The following EEPD1 variants were observed in gnomAD, a reference collection of about 807,000 sequenced individuals.
The protein encoded by EEPD1 is endonuclease/exonuclease/phosphatase family domain-containing protein 1.
A neutral mutation model predicts 46.3 loss-of-function variants in EEPD1; 17 were observed. The ratio of observed to expected loss-of-function variants is 0.37; its 90% CI spans 0.25 to 0.55. The LOEUF (loss-of-function observed/expected upper bound fraction) is 0.55. Ranked by LOEUF, EEPD1 falls within the 20% of genes least tolerant of loss-of-function variation. EEPD1 has a pLI of 0.83. For synonymous variants in EEPD1, 313 were observed against 315.6 expected (o/e 0.99, Z 0.09); for missense variants, 673 against 745.6 (o/e 0.90, Z 1.13).
intron 2 of EEPD1, among the ~76,000 whole-genome samples, chr7:36,223,226 A>C (rs1786178253): frequency 1.3e-5 from 2 of 152,156 alleles, no homozygotes; most frequent in African/African-American, 4.8e-5. Context: ...ATAAGAAATA[A>C]ATTTTAACAC....
intron 2 of EEPD1, chr7:36,228,838 A>G (rs1251650183): frequency 6.6e-6 from 1 of 152,242 alleles, no homozygotes; most frequent in African/African-American, 2.4e-5. Flanking sequence ...AAAGGGGACT[A>G]TTCCTAGTTT....
intron 3 of EEPD1, among the ~76,000 whole-genome samples, chr7:36,254,530 A>T (rs1255184285): frequency 1.3e-5 from 2 of 151,888 alleles, no homozygotes; most frequent in South Asian, 2.1e-4. Flanking sequence ...TCTATCATTG[A>T]TGGGCATTTG....
chr7:36,219,800 A>AGTGTGTGTGTGTGTGT (rs1476592033), intron 2 of EEPD1, among the ~76,000 whole-genome samples: 2 of 66,528 alleles, frequency 3.0e-5, no homozygotes, highest in African/African-American at 8.5e-5. Flanking sequence ...AGAGAGAGAG[A>AGTGTGTGTGTGTGTGT]GAGAGAGTGT....
intron 4 of EEPD1, among the ~76,000 whole-genome samples, chr7:36,283,128 A>T (rs1381378891): frequency 2.0e-5 from 3 of 152,178 alleles, no homozygotes; most frequent in Admixed American, 6.5e-5. Context: ...TTTGCCCACA[A>T]GCCACCCTTT....
At chr7:36,287,236 CAAAAAAAAAAAAAA>C (rs377318198) in intron 5 of EEPD1, among the ~76,000 whole-genome samples, 10 of 42,204 alleles carry the variant, frequency 2.4e-4, no homozygotes, top group African/African-American at 1.0e-3. Context: ...GACTCCTTCT[CAAAAAAAAAAAAAA>C]AAAAAAAAAA....
rs141352424 is a variant in EEPD1, at chr7:36,217,246, A to G, written c.879-21739A>G. 3.6e-3 allele frequency among the ~76,000 whole-genome samples: 542 copies of G among 152,376 alleles called. 4 individuals carry two copies. Among genetic ancestry groups the G allele is most frequent in the African/African-American group, 0.012 (509 of 41,594 alleles). ...AGGGGAGGATTTTTCATGAGTTTTC[A>G]GGGAAAGAGGTGGGCAATTCCTGGA... On this transcript the variant is annotated intron_variant, in intron 2 of 7. Coordinates refer to ENST00000242108, the MANE Select transcript of EEPD1 (RefSeq NM_030636.3).
chr7:36,278,101 A>G (rs1787208583), intron 3 of EEPD1, among the ~76,000 whole-genome samples: 1 of 152,204 alleles, frequency 6.6e-6, no homozygotes, highest in Non-Finnish European at 1.5e-5. Context: ...TTAGTTAAGT[A>G]GGTCAGGGGT....
intron 3 of EEPD1, among the ~76,000 whole-genome samples, chr7:36,248,527 T>C (rs893469047): frequency 5.4e-4 from 81 of 151,386 alleles, no homozygotes; most frequent in Admixed American, 2.7e-3. Flanking sequence ...TTTTTTTTTT[T>C]TTTTTTCCAA....
intron 4 of EEPD1, among the ~76,000 whole-genome samples, chr7:36,282,689 A>G (rs774305119): frequency 1.3e-5 from 2 of 152,240 alleles, no homozygotes; most frequent in African/African-American, 2.4e-5. Flanking sequence ...GGAATGCATC[A>G]TGAACGTAGC....
intron 2 of EEPD1, among the ~76,000 whole-genome samples, chr7:36,194,622 C>T (rs1562681480): frequency 6.6e-6 from 1 of 152,150 alleles, no homozygotes; most frequent in South Asian, 2.1e-4. Flanking sequence ...GGAAAAAGCC[C>T]CCCATATGGC....
At chr7:36,175,116 T>C (rs1169925516) in intron 2 of EEPD1, among the ~76,000 whole-genome samples, 10 of 152,362 alleles carry the variant, frequency 6.6e-5, no homozygotes, top group African/African-American at 2.4e-4. Context: ...AACTCAGTGA[T>C]TGGCACAAGA....
intron 2 of EEPD1, among the ~76,000 whole-genome samples, chr7:36,216,344 A>G (rs768275480): frequency 1.3e-5 from 2 of 152,006 alleles, no homozygotes; most frequent in Non-Finnish European, 2.9e-5. Flanking sequence ...TGAGGAAACA[A>G]TTGGCAATCG....
At chr7:36,235,927 CT>C (rs35122231) in intron 2 of EEPD1, among the ~76,000 whole-genome samples, 442 of 138,510 alleles carry the variant, frequency 3.2e-3, no homozygotes, top group African/African-American at 6.8e-3. Flanking sequence ...GAACTTTTTC[CT>C]TTTTTTTTTT....
At chr7:36,227,648 GTGGCTCACACC>G (rs1322743377) in intron 2 of EEPD1, among the ~76,000 whole-genome samples, 11 of 152,140 alleles carry the variant, frequency 7.2e-5, no homozygotes, top group African/African-American at 2.7e-4. Context: ...GCCAGGCGCA[GTGGCTCACACC>G]TGTAATCCCA....
intron 3 of EEPD1, among the ~76,000 whole-genome samples, chr7:36,259,460 TATACA>T (rs1223112682): frequency 6.6e-6 from 1 of 152,226 alleles, no homozygotes; most frequent in East Asian, 1.9e-4. Context: ...TCTATGCATC[TATACA>T]TGTTACACCT....
intron 2 of EEPD1, among the ~76,000 whole-genome samples, chr7:36,199,593 G>A (rs1412502083): frequency 6.6e-6 from 1 of 152,188 alleles, no homozygotes; most frequent in East Asian, 1.9e-4. Flanking sequence ...TCAACAGTGG[G>A]TGGGGAGCAC....
intron 3 of EEPD1, among the ~76,000 whole-genome samples, chr7:36,248,510 T>C (rs1232370669): frequency 7.6e-6 from 1 of 131,714 alleles, no homozygotes; most frequent in Non-Finnish European, 1.6e-5. Flanking sequence ...CTCGGCCAGA[T>C]ACTCTTTTTT....
In EEPD1 at chr7:36,247,416, C is replaced by T. The variant is rs544661678; in HGVS notation, c.930+8380C>T. On this transcript the variant is annotated intron_variant, in intron 3 of 7. Coordinates refer to ENST00000242108, the MANE Select transcript of EEPD1 (RefSeq NM_030636.3). ...TGTTATTCACTATGATTTGGACTTG[C>T]AATTAACTTAGTTTCTGCAACAATT... Among the ~76,000 whole-genome samples, 8 of 152,304 alleles carry T rather than the reference C, an allele frequency of 5.3e-5. No individual in the cohort carries two copies. The East Asian group carries it at 1.5e-3, about 29-fold the overall frequency.
At chr7:36,186,598 T>A (rs1469877060) in intron 2 of EEPD1, among the ~76,000 whole-genome samples, 1 of 152,238 alleles carries the variant, frequency 6.6e-6, no homozygotes, top group Non-Finnish European at 1.5e-5. Flanking sequence ...TAGTTGTTTA[T>A]TTTTTCCTTC....
Sources: allele counts gnomAD v4.1 joint callset (sites outside exome capture counted in the v4.1 genomes callset), GRCh38; gene constraint gnomAD v4.1.1; transcripts MANE v1.5; gene names NCBI Gene and HGNC (gene_info 2026-07-23, HGNC 2026-07-21).